LSAMP: variants seen among roughly 807,000 people sequenced by gnomAD.
LSAMP encodes limbic system-associated membrane protein.
Under a neutral mutation model 38.6 loss-of-function variants are expected in LSAMP, and 7 were observed. That is an observed-to-expected ratio of 0.18 (90% CI 0.10 to 0.34). The LOEUF (loss-of-function observed/expected upper bound fraction) is 0.34, where lower values mean the gene tolerates loss of function less well. Among genes scored for constraint, LSAMP ranks in the 10% least tolerant of loss-of-function variants. The pLI is 1.00. For synonymous variants in LSAMP, 154 were observed against 166.8 expected (o/e 0.92, Z 0.59); for missense variants, 313 against 420.0 (o/e 0.75, Z 2.23).
At chr3:116,188,694 C>T (rs959922755) in intron 1 of LSAMP, among the ~76,000 whole-genome samples, 1 of 152,122 alleles carries the variant, frequency 6.6e-6, no homozygotes, top group Non-Finnish European at 1.5e-5. Flanking sequence ...CAAAGTGATG[C>T]GTTTATTTGC....
intron 1 of LSAMP, among the ~76,000 whole-genome samples, chr3:116,313,624 A>G (rs2047588140): frequency 6.6e-6 from 1 of 152,212 alleles, no homozygotes; most frequent in African/African-American, 2.4e-5. Flanking sequence ...AGAGCAAAGA[A>G]GGGCAGGAGA....
chr3:116,125,775 G>T (rs1708995448), intron 1 of LSAMP, among the ~76,000 whole-genome samples: 1 of 152,168 alleles, frequency 6.6e-6, no homozygotes. Flanking sequence ...ACTCAGCAGA[G>T]TGTACATGAT....
rs555504326 is a variant in LSAMP at position 116,234,545 on chromosome 3, T to C, written c.156-147989A>G. Among the ~76,000 whole-genome samples the C allele has an allele frequency of 3.6e-4, 55 of 152,170 alleles. 1 individual carries two copies. The South Asian group carries it at 0.011, about 31-fold the overall frequency. On this transcript the variant is annotated intron_variant, in intron 1 of 6. Coordinates refer to ENST00000490035, the MANE Select transcript of LSAMP (RefSeq NM_002338.5). ...TGTTACCACCAAAAGAAAATTACTC[T>C]TGTTTAAAATTCAACAATAAAATTA...
At chr3:116,252,423 T>G (rs1474343667) in intron 1 of LSAMP, among the ~76,000 whole-genome samples, 1 of 152,200 alleles carries the variant, frequency 6.6e-6, no homozygotes, top group Non-Finnish European at 1.5e-5. Context: ...AGAATTGGCT[T>G]TAGGTGGCCT....
At chr3:115,943,221 A>T (rs1937987169) in intron 3 of LSAMP, among the ~76,000 whole-genome samples, 1 of 152,140 alleles carries the variant, frequency 6.6e-6, no homozygotes, top group South Asian at 2.1e-4. Flanking sequence ...GAGTACTGGG[A>T]AGAAAGCCTG....
intron 3 of LSAMP, among the ~76,000 whole-genome samples, chr3:115,893,575 C>T (rs908875325): frequency 1.3e-5 from 2 of 151,870 alleles, no homozygotes; most frequent in East Asian, 3.9e-4. Context: ...TTTTAACATA[C>T]AATTTTTGAT....
intron 1 of LSAMP, among the ~76,000 whole-genome samples, chr3:116,386,495 T>C (rs1436514728): frequency 2.0e-5 from 3 of 152,118 alleles, no homozygotes; most frequent in Non-Finnish European, 2.9e-5. Context: ...CTAAGAGAGA[T>C]GGGGTTTTGC....
chr3:116,228,000 G>C (rs1472044297), intron 1 of LSAMP, among the ~76,000 whole-genome samples: 1 of 152,102 alleles, frequency 6.6e-6, no homozygotes, highest in Non-Finnish European at 1.5e-5. Flanking sequence ...CACAGTCTGA[G>C]TATTACTTTT....
intron 2 of LSAMP, among the ~76,000 whole-genome samples, chr3:116,068,587 C>T (rs752919074): frequency 1.3e-5 from 2 of 152,114 alleles, no homozygotes; most frequent in Non-Finnish European, 2.9e-5. Flanking sequence ...AGATTTATTG[C>T]TGTTTCAAAG....
chr3:116,301,872 C>T (rs532745298), intron 1 of LSAMP, among the ~76,000 whole-genome samples: 15 of 152,260 alleles, frequency 9.9e-5, no homozygotes, highest in African/African-American at 2.9e-4. Context: ...TAATCTTAAT[C>T]GCTCCTCCCA....
At chr3:115,969,186 C>T (rs9869288) in intron 3 of LSAMP, among the ~76,000 whole-genome samples, 42,106 of 151,948 alleles carry the variant, frequency 0.28, 7,255 homozygotes, top group African/African-American at 0.5. Context: ...AAGGTGCTTT[C>T]ATGTGTGGAT....
intron 1 of LSAMP, among the ~76,000 whole-genome samples, chr3:116,210,973 A>G (rs1274827472): frequency 1.3e-5 from 2 of 152,140 alleles, no homozygotes; most frequent in Non-Finnish European, 2.9e-5. Context: ...AATGTGGTAC[A>G]TACACACAAT....
chr3:115,960,608 A>C (rs367885319), intron 3 of LSAMP, among the ~76,000 whole-genome samples: 27 of 152,156 alleles, frequency 1.8e-4, no homozygotes, highest in African/African-American at 6.5e-4. Flanking sequence ...GATGCTCCCC[A>C]CCACTGCTAT....
intron 1 of LSAMP, among the ~76,000 whole-genome samples, chr3:116,089,499 AGGCGCCTGCCACCAC>A (rs1461840547): frequency 6.6e-6 from 1 of 152,108 alleles, no homozygotes; most frequent in Admixed American, 6.6e-5. Context: ...CTGGCACTAC[AGGCGCCTGCCACCAC>A]GCCCGCCTAA....
At chr3:115,939,825 C>G (rs946938419) in intron 3 of LSAMP, among the ~76,000 whole-genome samples, 2 of 152,148 alleles carry the variant, frequency 1.3e-5, no homozygotes, top group Admixed American at 1.3e-4. Context: ...TCTCAAAGCA[C>G]TGGGATTACA....
At chr3:116,327,867 A>G (rs1003276242) in intron 1 of LSAMP, among the ~76,000 whole-genome samples, 1 of 152,188 alleles carries the variant, frequency 6.6e-6, no homozygotes, top group Non-Finnish European at 1.5e-5. Context: ...ATGCCTTGAC[A>G]TCAGTGAATC....
intron 2 of LSAMP, among the ~76,000 whole-genome samples, chr3:116,073,237 G>A (rs917212623): frequency 2.0e-5 from 3 of 152,060 alleles, no homozygotes; most frequent in African/African-American, 4.8e-5. Flanking sequence ...TCCTATTTCC[G>A]AGTTCTTTTT....
At chr3:115,821,410 T>A (rs1934233782) in intron 6 of LSAMP, among the ~76,000 whole-genome samples, 1 of 152,236 alleles carries the variant, frequency 6.6e-6, no homozygotes, top group African/African-American at 2.4e-5. Flanking sequence ...CCTCTACTTA[T>A]AAGAGTTCAT....
intron 3 of LSAMP, among the ~76,000 whole-genome samples, chr3:116,000,269 T>G (rs976390599): frequency 2.5e-4 from 38 of 152,126 alleles, no homozygotes; most frequent in African/African-American, 8.7e-4. Context: ...GTGGAAACCA[T>G]CTCACTTAAT....
Sources: gnomAD v4.1 joint callset for allele counts (sites outside exome capture counted in the v4.1 genomes callset) on GRCh38, gnomAD v4.1.1 for gene constraint, MANE v1.5 for transcripts, NCBI Gene and HGNC (gene_info 2026-07-23, HGNC 2026-07-21) for gene names.